The following RGPD4 variants were observed in gnomAD, a reference collection of about 807,000 sequenced individuals.
RGPD4 encodes the protein RANBP2 like and GRIP domain containing 4, also known as ranBP2-like and GRIP domain-containing protein 4.
RGPD4 carries 84 observed loss-of-function variants against 141.1 expected under a neutral mutation model. That is an observed-to-expected ratio of 0.60 (90% CI 0.50 to 0.71). The LOEUF is 0.71. RGPD4 is among the 30% of genes least tolerant of loss of function. RGPD4 has a pLI of 0.00. For missense variants in RGPD4, 918 were observed against 1,622.4 expected (o/e 0.57, Z 7.46); for synonymous variants, 298 against 566.8 (o/e 0.53, Z 6.74).
At chr2:107,849,405 C>T (rs1446457961) in intron 7 of RGPD4, among the ~76,000 whole-genome samples, 1 of 117,786 alleles carries the variant, frequency 8.5e-6, no homozygotes, top group Non-Finnish European at 1.7e-5. Flanking sequence ...CTCGCTCTGT[C>T]GCCCAGGCTG....
chr2:107,844,530 ATT>A lies in RGPD4; in HGVS notation c.782+802_782+803del. Among the ~76,000 whole-genome samples the A allele has an allele frequency of 6.6e-5, 10 of 151,838 alleles. No homozygotes were observed. The East Asian group carries it at 1.7e-3, about 26-fold the overall frequency. On this transcript the variant is annotated intron_variant, in intron 6 of 22. Transcript: ENST00000408999. ...TACTGATTGCTAGTTTAGGCTGTCC[ATT>A]TGTTTGGAAGTTAATTTATTTCCCC...
At chr2:107,859,643 T>G in intron 11 of RGPD4, 79 bp from the exon 12 acceptor site, 1 of 1,611,416 alleles carries the variant, frequency 6.2e-7, no homozygotes, top group African/African-American at 1.3e-5. Context: ...ATTTGTCATG[T>G]GACCCATTAA....
chr2:107,861,529 G>T (rs572625155), intron 14 of RGPD4, 65 bp from the exon 15 acceptor site: 1 of 1,573,782 alleles, frequency 6.4e-7, no homozygotes, highest in African/African-American at 1.4e-5. Flanking sequence ...GCCACCATGC[G>T]TGGCCAAGCT....
rs755644331 is a variant in RGPD4, at chr2:107,890,742, G to A, written c.*11G>A. 9.6e-5 allele frequency: 153 copies of A among 1,600,160 alleles called. No individual in the cohort carries two copies. Among genetic ancestry groups the A allele is most frequent in the South Asian group, 1.7e-4 (15 of 87,874 alleles). ...AAAGGTGAGGAATAAAATGCTTCCCGTTCTTCTGGATGGGCATCCTATCTT... is the reference window on the plus strand; with the variant it reads ...AAAGGTGAGGAATAAAATGCTTCCCATTCTTCTGGATGGGCATCCTATCTT... On this transcript the variant is annotated 3_prime_UTR_variant, in exon 23 of 23. Coordinates refer to ENST00000408999, the MANE Select transcript of RGPD4 (RefSeq NM_182588.3).
At chr2:107,858,464 A>G (rs1318014979) in intron 9 of RGPD4, among the ~76,000 whole-genome samples, 2 of 125,522 alleles carry the variant, frequency 1.6e-5, no homozygotes, top group Non-Finnish European at 3.3e-5. Context: ...TTTGAGACAG[A>G]GTCTCACTCT....
At chr2:107,869,728 G>A (rs1262347350) in intron 18 of RGPD4, among the ~76,000 whole-genome samples, 155 bp from the exon 19 acceptor site, 2 of 148,114 alleles carry the variant, frequency 1.4e-5, no homozygotes, top group African/African-American at 5.0e-5. Flanking sequence ...TGATAATCTT[G>A]ATTGGTGTAT....
At chr2:107,828,055 G>A (rs1287068308) in intron 1 of RGPD4, among the ~76,000 whole-genome samples, 1 of 56,662 alleles carries the variant, frequency 1.8e-5, no homozygotes, top group Non-Finnish European at 3.6e-5. Context: ...CCCGACGGGC[G>A]CTGCTCCCTG....
intron 1 of RGPD4, among the ~76,000 whole-genome samples, chr2:107,829,982 T>C (rs1334328942): frequency 2.0e-5 from 3 of 152,006 alleles, no homozygotes; most frequent in African/African-American, 4.8e-5. Context: ...GGCGGCTGCG[T>C]CGAGTGACAA....
chr2:107,875,208 A>G (rs1387468679), intron 20 of RGPD4, among the ~76,000 whole-genome samples: 1 of 73,874 alleles, frequency 1.4e-5, no homozygotes, highest in Non-Finnish European at 3.0e-5. Context: ...TAGCCATATT[A>G]AAAAGAATAA....
At position 107,883,983 on chromosome 2, in the gene RGPD4, A is replaced by G. The variant is rs543740135; in HGVS notation, c.5266+1110A>G. On this transcript the variant is annotated intron_variant, in intron 22 of 22. Transcript: ENST00000408999. ...CCAGTGAATAATTCAATGTTTATTG[A>G]ATTTCTCTGTCACCTATACCTAGTT... Among the ~76,000 whole-genome samples the G allele has an allele frequency of 3.3e-5, 5 of 151,978 alleles. No homozygotes were observed. The South Asian group carries it at 6.2e-4, about 19-fold the overall frequency.
chr2:107,875,644 G>A (rs1369493239), intron 20 of RGPD4, among the ~76,000 whole-genome samples: 1 of 142,312 alleles, frequency 7.0e-6, no homozygotes, highest in East Asian at 2.0e-4. Context: ...AATGGTGGCT[G>A]GGGATGGGTT....
intron 6 of RGPD4, among the ~76,000 whole-genome samples, chr2:107,844,833 T>TTG (rs1681863116): frequency 2.2e-5 from 2 of 89,430 alleles, no homozygotes; most frequent in South Asian, 4.2e-4. Context: ...CTTTTTTGTT[T>TTG]TTTTTTTTTT....
At chr2:107,876,448 T>C (rs1447560108) in intron 20 of RGPD4, among the ~76,000 whole-genome samples, 16 of 151,646 alleles carry the variant, frequency 1.1e-4, no homozygotes, top group Non-Finnish European at 1.9e-4. Flanking sequence ...TTGTTAGTCA[T>C]CAAATTTGTC....
intron 6 of RGPD4, among the ~76,000 whole-genome samples, chr2:107,844,158 T>A (rs1681833446): frequency 6.6e-6 from 1 of 151,954 alleles, no homozygotes; most frequent in African/African-American, 2.4e-5. Context: ...CAGAAAATAC[T>A]GTTTTAGCTA....
intron 11 of RGPD4, 41 bp from the exon 12 acceptor site, chr2:107,859,681 G>A (rs755923121): frequency 1.3e-5 from 21 of 1,611,056 alleles, no homozygotes; most frequent in Non-Finnish European, 1.8e-5. Flanking sequence ...GCTGAACTGT[G>A]TATTTAGAAA....
At chr2:107,829,876 A>T (rs1427457251) in intron 1 of RGPD4, among the ~76,000 whole-genome samples, 1 of 149,056 alleles carries the variant, frequency 6.7e-6, no homozygotes, top group Non-Finnish European at 1.5e-5. Flanking sequence ...GTTTCTTCCC[A>T]TCTCCTGGAC....
chr2:107,885,111 T>C (rs936356571), intron 22 of RGPD4, among the ~76,000 whole-genome samples: 9 of 152,064 alleles, frequency 5.9e-5, no homozygotes, highest in Admixed American at 5.2e-4. Flanking sequence ...CAAATAAGAA[T>C]ACATCATGTA....
rs1428887077 is a variant in RGPD4, at chr2:107,872,758, C to T, written c.4754C>T (p.Thr1585Ile). ...NASLKSNNSE[T>I]SSVAQSGSES... The stretch of plus-strand genomic sequence containing the variant: ...TCTTTGAAAAGTAACAACAGTGAAA[C>T]TAGTTCAGTAGCCCAGAGTGGATCT... Residue 1585 changes from threonine to isoleucine, a missense_variant, in exon 20 of 23, where the codon ACT (threonine) becomes ATT (isoleucine). Thr to Ile is a moderately conservative substitution (Grantham distance 89). Coordinates refer to ENST00000408999, the MANE Select transcript of RGPD4 (RefSeq NM_182588.3). 2 of 1,611,530 alleles carry T rather than the reference C, an allele frequency of 1.2e-6. No homozygotes were observed. Among genetic ancestry groups the T allele is most frequent in the Non-Finnish European group, 1.7e-6 (2 of 1,179,854 alleles).
In RGPD4 at chr2:107,871,078, A is replaced by G. The variant is rs1408654879; in HGVS notation, c.3074A>G (p.Asp1025Gly). Residue 1025 changes from aspartate to glycine, a missense_variant, in exon 20 of 23, where the codon GAT (aspartate) becomes GGT (glycine). Coordinates refer to ENST00000408999, the MANE Select transcript of RGPD4 (RefSeq NM_182588.3). ...ANTSGDFEKD[D>G]DAYKTEDSDD... ...ACTTCCGGTGACTTTGAGAAAGATG[A>G]TGATGCCTATAAGACTGAGGACAGC... 41 of 1,611,126 alleles carry G rather than the reference A, an allele frequency of 2.5e-5. No homozygotes were observed. The highest frequency in any genetic ancestry group is 6.7e-5 in the Admixed American group (4 of 59,926).
Sources: gnomAD v4.1 joint callset for allele counts (sites outside exome capture counted in the v4.1 genomes callset) on GRCh38, gnomAD v4.1.1 for gene constraint, MANE v1.5 for transcripts, NCBI Gene and HGNC (gene_info 2026-07-23, HGNC 2026-07-21) for gene names.